Variants in R3HDML observed in about 807,000 individuals in gnomAD.
The protein encoded by R3HDML is peptidase inhibitor R3HDML.
A neutral mutation model predicts 24.2 loss-of-function variants in R3HDML; 21 were observed. The observed-to-expected ratio is 0.87, with a 90% CI of 0.62 to 1.25. The LOEUF is 1.25. R3HDML is among the 50% of genes most tolerant of loss of function. The probability of loss-of-function intolerance (pLI) is 0.00; values close to 1 mark genes in which losing one functional copy is unlikely to be tolerated. For missense variants in R3HDML, 301 were observed against 340.3 expected (o/e 0.88, Z 0.91); for synonymous variants, 133 against 131.5 (o/e 1.01, Z -0.08).
chr20:44,341,407 T>A, intron 2 of R3HDML, 93 bp downstream of exon 2: 1 of 1,040,088 alleles, frequency 9.6e-7, no homozygotes, highest in Non-Finnish European at 1.4e-6. Context: ...GACACTGGGA[T>A]ACAGTGGCGA....
At chr20:44,349,503 A>G (rs2062802406) in intron 4 of R3HDML, among the ~76,000 whole-genome samples, 1 of 152,236 alleles carries the variant, frequency 6.6e-6, no homozygotes. Flanking sequence ...TAGGTGCTCC[A>G]GAAGTGTTTG....
intron 4 of R3HDML, among the ~76,000 whole-genome samples, chr20:44,347,231 T>G (rs373934926): frequency 0.012 from 1,876 of 151,132 alleles, 29 homozygotes; most frequent in African/African-American, 0.042. Flanking sequence ...CTTTTTTTTT[T>G]GGGGGGGGAC....
intron 2 of R3HDML, 22 bp downstream of exon 2, chr20:44,341,336 C>CTTCA: frequency 1.3e-6 from 2 of 1,553,424 alleles, no homozygotes; most frequent in Non-Finnish European, 1.8e-6. Context: ...TCTGCCCTTC[C>CTTCA]TTCACTCAGT....
intron 1 of R3HDML, among the ~76,000 whole-genome samples, chr20:44,339,599 G>C (rs1387273730): frequency 6.6e-6 from 1 of 151,544 alleles, no homozygotes; most frequent in Non-Finnish European, 1.5e-5. Context: ...GTGTGTGTGT[G>C]TGTGTGTCTG....
At chr20:44,347,595 C>T (rs936523383) in intron 4 of R3HDML, 2 of 152,130 alleles carry the variant, frequency 1.3e-5, no homozygotes, top group Non-Finnish European at 2.9e-5. Context: ...ACTACTTTCA[C>T]ACTATCTCAT....
chr20:44,338,102 C>G (rs951557127), intron 1 of R3HDML, among the ~76,000 whole-genome samples: 5 of 152,140 alleles, frequency 3.3e-5, no homozygotes, highest in African/African-American at 1.2e-4. Context: ...AGGGCACCAA[C>G]CTTTTGCTTA....
At position 44,337,223 on chromosome 20, in the gene R3HDML, C is replaced by A; in HGVS notation, c.66C>A (p.Asn22Lys). The A allele has an allele frequency of 6.2e-7, 1 of 1,613,660 alleles. No individual in the cohort carries two copies. The highest frequency in any genetic ancestry group is 8.5e-7 in the Non-Finnish European group (1 of 1,179,972). Residue 22 changes from asparagine to lysine, a missense_variant, in exon 1 of 5, where the codon AAC becomes AAA. Physicochemically the swap from Asn to Lys is moderately conservative, Grantham distance 94. Coordinates refer to ENST00000217043, the MANE Select transcript of R3HDML (RefSeq NM_178491.4). The surrounding 1 kb of genome is among the most constrained non-coding windows in gnomAD (Gnocchi z 4.7). ...TCTTCTGGGCTGGCCAGGCAGTGAACGCCTTGATAATGCCTAATGCTACCC... is the reference window on the plus strand; with the variant it reads ...TCTTCTGGGCTGGCCAGGCAGTGAAAGCCTTGATAATGCCTAATGCTACCC... The part of the protein sequence containing the change: ...GLLFWAGQAV[N>K]ALIMPNATPA...
intron 1 of R3HDML, among the ~76,000 whole-genome samples, chr20:44,339,709 G>A (rs2062767198): frequency 6.6e-6 from 1 of 151,978 alleles, no homozygotes; most frequent in African/African-American, 2.4e-5. Flanking sequence ...TTGGGACGGT[G>A]TGCAGGGTGG....
chr20:44,340,526 C>T (rs112620019), intron 1 of R3HDML, among the ~76,000 whole-genome samples: 26 of 152,350 alleles, frequency 1.7e-4, no homozygotes, highest in African/African-American at 5.3e-4. Context: ...TTCAGCCTCC[C>T]GAAGTGCCCT....
At chr20:44,341,165 C>T (rs1485410815) in intron 1 of R3HDML, 31 bp from the exon 2 acceptor site, 1 of 1,571,422 alleles carries the variant, frequency 6.4e-7, no homozygotes, top group Admixed American at 1.7e-5. Context: ...GGCAATTCCC[C>T]TGGGGAATTT....
chr20:44,349,094 T>C (rs1451453692), intron 4 of R3HDML, among the ~76,000 whole-genome samples: 2 of 151,774 alleles, frequency 1.3e-5, no homozygotes, highest in East Asian at 3.9e-4. Flanking sequence ...GCCACTGCAC[T>C]CTAGCCTGGG....
rs762854074 is a variant in R3HDML at position 44,337,219 on chromosome 20, T to C, written c.62T>C (p.Val21Ala). Residue 21 changes from valine (V) to alanine (A), a missense_variant, in exon 1 of 5, where the codon GTG (valine) becomes GCG (alanine). Physicochemically the swap from Val to Ala is moderately conservative, Grantham distance 64. Coordinates refer to ENST00000217043, the MANE Select transcript of R3HDML (RefSeq NM_178491.4). This position sits in a 1 kb window ranked among gnomAD's most constrained non-coding sequence, Gnocchi z 4.7. The stretch of plus-strand genomic sequence containing the variant: ...CTGCTCTTCTGGGCTGGCCAGGCAG[T>C]GAACGCCTTGATAATGCCTAATGCT... ...AGLLFWAGQA[V>A]NALIMPNATP... is the part of the protein sequence containing the mutation. The C allele has an allele frequency of 1.2e-6, 2 of 1,613,776 alleles. No individual in the cohort carries two copies. Among genetic ancestry groups the C allele is most frequent in the African/African-American group, 1.3e-5 (1 of 75,062 alleles).
At chr20:44,340,411 A>G (rs923349024) in intron 1 of R3HDML, among the ~76,000 whole-genome samples, 1 of 152,234 alleles carries the variant, frequency 6.6e-6, no homozygotes, top group Admixed American at 6.5e-5. Flanking sequence ...ACATATTAAA[A>G]TTATGCATAT....
chr20:44,340,899 A>G (rs1351806807), intron 1 of R3HDML, among the ~76,000 whole-genome samples: 1 of 152,254 alleles, frequency 6.6e-6, no homozygotes, highest in Non-Finnish European at 1.5e-5. Flanking sequence ...TTCTGGGTTC[A>G]GTCACTTCTA....
intron 4 of R3HDML, 88 bp from the exon 5 acceptor site, chr20:44,350,572 G>A (rs538334354): frequency 1.5e-6 from 2 of 1,347,714 alleles, no homozygotes; most frequent in African/African-American, 1.5e-5. Flanking sequence ...CCCCAGGGCT[G>A]GTCAGTGGCA....
chr20:44,338,449 A>T (rs1414664770), intron 1 of R3HDML, among the ~76,000 whole-genome samples: 1 of 152,144 alleles, frequency 6.6e-6, no homozygotes, highest in Admixed American at 6.6e-5. Flanking sequence ...AGGAGGCAAT[A>T]CAGTGTTGGG....
At chr20:44,339,579 A>ATGTGTG (rs140076477) in intron 1 of R3HDML, among the ~76,000 whole-genome samples, 22,369 of 147,874 alleles carry the variant, frequency 0.15, 1,770 homozygotes, top group Middle Eastern at 0.25. Context: ...GCCTATATAT[A>ATGTGTG]TGTGTGTGTG....
chr20:44,345,814 T>TTTCC (rs2062785143), intron 4 of R3HDML, among the ~76,000 whole-genome samples: 2 of 146,038 alleles, frequency 1.4e-5, no homozygotes, highest in Admixed American at 1.4e-4. Flanking sequence ...TAATCCATTT[T>TTTCC]TTCTTTCTTT....
At chr20:44,342,598 CTT>C (rs2062775136) in intron 2 of R3HDML, among the ~76,000 whole-genome samples, 1 of 152,190 alleles carries the variant, frequency 6.6e-6, no homozygotes, top group Non-Finnish European at 1.5e-5. Flanking sequence ...TTTTCTCCCT[CTT>C]TAGTCATTTA....
Sources: gnomAD v4.1 joint callset for allele counts (sites outside exome capture counted in the v4.1 genomes callset) on GRCh38, gnomAD v4.1.1 for gene constraint, Gnocchi (gnomAD v3.1) non-coding constraint, MANE v1.5 for transcripts, NCBI Gene and HGNC (gene_info 2026-07-23, HGNC 2026-07-21) for gene names.